EPHB1: variants seen among roughly 807,000 people sequenced by gnomAD.
The protein encoded by EPHB1 is EPH receptor B1, also known as ephrin type-B receptor 1.
A neutral mutation model predicts 94.4 loss-of-function variants in EPHB1; 30 were observed. The ratio of observed to expected loss-of-function variants is 0.32; its 90% CI spans 0.24 to 0.43. EPHB1 has a LOEUF of 0.43. EPHB1 is among the 20% of genes least tolerant of loss of function. EPHB1 has a pLI of 1.00. For synonymous variants in EPHB1, 522 were observed against 489.1 expected (o/e 1.07, Z -0.89); for missense variants, 1,055 against 1,308.3 (o/e 0.81, Z 2.99).
intron 3 of EPHB1, among the ~76,000 whole-genome samples, chr3:135,009,970 C>A (rs1371802080): frequency 1.3e-5 from 2 of 152,120 alleles, no homozygotes; most frequent in Non-Finnish European, 2.9e-5. Context: ...TTCCACCATC[C>A]AGAGGAAATC....
chr3:134,954,208 G>T (rs1228141159), intron 3 of EPHB1, among the ~76,000 whole-genome samples: 1 of 152,222 alleles, frequency 6.6e-6, no homozygotes, highest in Non-Finnish European at 1.5e-5. Flanking sequence ...AGAACTTTCA[G>T]CTGAATCCCC....
chr3:134,939,769 C>T (rs1178725783), intron 2 of EPHB1, among the ~76,000 whole-genome samples: 1 of 152,170 alleles, frequency 6.6e-6, no homozygotes, highest in Non-Finnish European at 1.5e-5. Flanking sequence ...GTGTGCTGCC[C>T]AGGCTCCAGT....
intron 3 of EPHB1, among the ~76,000 whole-genome samples, chr3:135,058,979 A>C (rs1172914750): frequency 6.6e-6 from 1 of 152,260 alleles, no homozygotes; most frequent in African/African-American, 2.4e-5. Flanking sequence ...TACAATTTGG[A>C]GAAGGGGTTT....
chr3:134,950,870 C>G (rs930674572), intron 2 of EPHB1, among the ~76,000 whole-genome samples: 2 of 152,022 alleles, frequency 1.3e-5, no homozygotes, highest in Non-Finnish European at 2.9e-5. Context: ...GTTGAGAAAC[C>G]CTGAAAAGCT....
intron 3 of EPHB1, among the ~76,000 whole-genome samples, chr3:135,067,341 C>T (rs1036813916): frequency 2.0e-5 from 3 of 152,024 alleles, no homozygotes; most frequent in Non-Finnish European, 2.9e-5. Flanking sequence ...TGTCTGAGCT[C>T]AGACCCTCCT....
chr3:134,907,998 G>C (rs2038372212), intron 1 of EPHB1, among the ~76,000 whole-genome samples: 1 of 152,148 alleles, frequency 6.6e-6, no homozygotes. Context: ...CTCCTTTGAG[G>C]TGCTGCACAC....
At position 135,201,626 on chromosome 3, in the gene EPHB1, C is replaced by T. The variant is rs555858727; in HGVS notation, c.2283C>T (p.Ser761=). ...ACAGTAACCTGGTGTGCAAGGTGTC[C>T]GACTTTGGCCTCTCCCGCTACCTCC... is the stretch of plus-strand genomic sequence containing the variant. The part of the protein sequence containing the change: ...LVNSNLVCKV[S]DFGLSRYLQD... The change falls in exon 12 of 16, where the codon TCC becomes TCT. Residue 761 remains serine (S), a synonymous_variant. Coordinates refer to ENST00000398015, the MANE Select transcript of EPHB1 (RefSeq NM_004441.5). 61 of 1,613,898 alleles carry T rather than the reference C, an allele frequency of 3.8e-5. No homozygotes were observed. The highest frequency in any genetic ancestry group is 5.3e-5 in the African/African-American group (4 of 74,926).
At chr3:135,177,123 C>G (rs988803404) in intron 9 of EPHB1, among the ~76,000 whole-genome samples, 1 of 152,110 alleles carries the variant, frequency 6.6e-6, no homozygotes, top group Non-Finnish European at 1.5e-5. Flanking sequence ...CTCACAGCCA[C>G]TTTGGGAGGG....
chr3:135,131,478 T>G (rs916548446), intron 4 of EPHB1, among the ~76,000 whole-genome samples: 1 of 152,156 alleles, frequency 6.6e-6, no homozygotes. Flanking sequence ...CATTACTATC[T>G]GAAGCGGCTG....
intron 15 of EPHB1, among the ~76,000 whole-genome samples, chr3:135,250,859 CA>C (rs1933052466): frequency 6.6e-6 from 1 of 152,128 alleles, no homozygotes; most frequent in African/African-American, 2.4e-5. Context: ...ACGTATTGAT[CA>C]CCTGTTATAC....
intron 1 of EPHB1, among the ~76,000 whole-genome samples, chr3:134,924,634 C>A (rs936997858): frequency 6.6e-6 from 1 of 152,128 alleles, no homozygotes; most frequent in Non-Finnish European, 1.5e-5. Context: ...CATAGACTCT[C>A]ACAATAATAG....
intron 10 of EPHB1, among the ~76,000 whole-genome samples, chr3:135,184,573 T>C (rs184197980): frequency 7.3e-4 from 111 of 152,300 alleles, no homozygotes; most frequent in Non-Finnish European, 1.5e-4. Context: ...TAAATATTTG[T>C]TGTATATGGC....
intron 12 of EPHB1, among the ~76,000 whole-genome samples, chr3:135,223,823 A>G (rs1158002885): frequency 6.6e-6 from 1 of 152,242 alleles, no homozygotes; most frequent in Non-Finnish European, 1.5e-5. Flanking sequence ...TACACCATGG[A>G]TCAAAATATT....
intron 11 of EPHB1, among the ~76,000 whole-genome samples, chr3:135,197,473 C>T (rs1028446502): frequency 2.0e-4 from 31 of 152,172 alleles, no homozygotes; most frequent in African/African-American, 7.5e-4. Context: ...CTCAATTTTC[C>T]AATTTATAAA....
intron 4 of EPHB1, among the ~76,000 whole-genome samples, chr3:135,107,832 G>T (rs1006683348): frequency 6.6e-6 from 1 of 152,116 alleles, no homozygotes; most frequent in Non-Finnish European, 1.5e-5. Flanking sequence ...GTTGTAAACT[G>T]ATTTTCTACA....
chr3:135,069,246 A>G (rs1369830575), intron 3 of EPHB1, among the ~76,000 whole-genome samples: 1 of 151,814 alleles, frequency 6.6e-6, no homozygotes, highest in Non-Finnish European at 1.5e-5. Context: ...CGCTCTCTTA[A>G]GTAATCAATT....
At chr3:134,929,171 A>G (rs138614798) in intron 2 of EPHB1, among the ~76,000 whole-genome samples, 1,738 of 152,272 alleles carry the variant, frequency 0.011, 11 homozygotes, top group Admixed American at 0.016. Flanking sequence ...TCCTGTTGAA[A>G]TAGCAAGACA....
chr3:134,909,243 T>C (rs1202997049), intron 1 of EPHB1, among the ~76,000 whole-genome samples: 1 of 151,738 alleles, frequency 6.6e-6, no homozygotes, highest in Non-Finnish European at 1.5e-5. Context: ...GTTGATTCTG[T>C]GGGGGGCCTT....
chr3:134,818,110 A>T (rs2036304394), intron 1 of EPHB1, among the ~76,000 whole-genome samples: 1 of 152,200 alleles, frequency 6.6e-6, no homozygotes, highest in African/African-American at 2.4e-5. Context: ...AGGCATGTCC[A>T]GGTACTGGGA....
Sources: allele counts gnomAD v4.1 joint callset (sites outside exome capture counted in the v4.1 genomes callset), GRCh38; gene constraint gnomAD v4.1.1; transcripts MANE v1.5; gene names NCBI Gene and HGNC (gene_info 2026-07-23, HGNC 2026-07-21).